Variants in ANKRD33B observed in about 807,000 individuals in gnomAD.
ANKRD33B encodes the protein ankyrin repeat domain 33B.
ANKRD33B carries 6 observed loss-of-function variants against 21.5 expected under a neutral mutation model. The ratio of observed to expected loss-of-function variants is 0.28; its 90% CI spans 0.15 to 0.55. The LOEUF is 0.55. Ranked by LOEUF, ANKRD33B falls within the 20% of genes least tolerant of loss-of-function variation. The probability of loss-of-function intolerance (pLI) is 0.94; values close to 1 mark genes in which losing one functional copy is unlikely to be tolerated. For missense variants in ANKRD33B, 698 were observed against 747.2 expected (o/e 0.93, Z 0.77); for synonymous variants, 347 against 342.4 (o/e 1.01, Z -0.15).
chr5:10,588,918 C>T (rs1735622662), intron 1 of ANKRD33B, among the ~76,000 whole-genome samples: 1 of 152,156 alleles, frequency 6.6e-6, no homozygotes, highest in African/African-American at 2.4e-5. Flanking sequence ...TTATTGTCAT[C>T]ACTTATGCAT....
chr5:10,644,960 G>T (rs1737160003), intron 3 of ANKRD33B, among the ~76,000 whole-genome samples: 1 of 152,172 alleles, frequency 6.6e-6, no homozygotes, highest in South Asian at 2.1e-4. Context: ...GGGCAGCTGG[G>T]ACTCAGACCC....
intron 3 of ANKRD33B, among the ~76,000 whole-genome samples, chr5:10,643,633 T>C (rs1335514633): frequency 6.6e-6 from 1 of 151,326 alleles, no homozygotes; most frequent in East Asian, 1.9e-4. Flanking sequence ...CTGGCCAACA[T>C]GGTGAAATCC....
Position 10,625,290 on chromosome 5 carries a change from A to G in ANKRD33B, c.496+6828A>G, listed in dbSNP as rs541647879. On this transcript the variant is annotated intron_variant, in intron 2 of 3. Coordinates refer to ENST00000296657, the MANE Select transcript of ANKRD33B (RefSeq NM_001164440.2). ...GCTTACAGCCAAAAATGACTACAAA[A>G]GTATTATCAGGGAGGAAGAAAAAGA... 393 of 158,200 alleles carry G rather than the reference A, an allele frequency of 2.5e-3. 1 individual carries two copies. Among genetic ancestry groups the G allele is most frequent in the Middle Eastern group, 6.7e-3 (2 of 298 alleles). The allele number at this position is 158,200 out of a possible 1,614,324, so 9.8% of individuals were successfully genotyped here.
At chr5:10,577,475 C>A (rs986273781) in intron 1 of ANKRD33B, among the ~76,000 whole-genome samples, 1 of 152,192 alleles carries the variant, frequency 6.6e-6, no homozygotes, top group African/African-American at 2.4e-5. Context: ...GGAGTCGGGG[C>A]CCATCCTGGG....
At chr5:10,644,305 G>A (rs987666833) in intron 3 of ANKRD33B, among the ~76,000 whole-genome samples, 5 of 152,326 alleles carry the variant, frequency 3.3e-5, no homozygotes, top group Admixed American at 6.5e-5. Flanking sequence ...CATCACAAGG[G>A]AGTTGCAGAA....
intron 1 of ANKRD33B, among the ~76,000 whole-genome samples, chr5:10,600,527 C>G (rs1168426255): frequency 1.3e-5 from 2 of 152,176 alleles, no homozygotes; most frequent in Non-Finnish European, 2.9e-5. Flanking sequence ...GTAGTATTCC[C>G]AAGTTTGATT....
chr5:10,623,637 A>G (rs1736473648), intron 2 of ANKRD33B, among the ~76,000 whole-genome samples: 1 of 152,224 alleles, frequency 6.6e-6, no homozygotes, highest in African/African-American at 2.4e-5. Context: ...GGGAAGCTGG[A>G]TAGGAGGGAA....
chr5:10,588,690 G>A (rs535509789), intron 1 of ANKRD33B, among the ~76,000 whole-genome samples: 3 of 152,194 alleles, frequency 2.0e-5, no homozygotes, highest in African/African-American at 4.8e-5. Context: ...CCCCTCTTCC[G>A]GGCAACCCAC....
chr5:10,571,861 G>A lies in ANKRD33B; in HGVS notation c.366+7028G>A, dbSNP rs116371274. Reference sequence around the variant, plus strand: ...TCTCAGAATTAAGTGAGAATCTGAGGGTAAGATAAGGCATCCGTATTTTCT... The same window carrying A: ...TCTCAGAATTAAGTGAGAATCTGAGAGTAAGATAAGGCATCCGTATTTTCT... On this transcript the variant is annotated intron_variant, in intron 1 of 3. Transcript: ENST00000296657. Among the ~76,000 whole-genome samples, 576 of 151,246 alleles carry A rather than the reference G, an allele frequency of 3.8e-3. 4 individuals are homozygous for A. The highest frequency in any genetic ancestry group is 0.013 in the African/African-American group (537 of 41,270).
intron 2 of ANKRD33B, among the ~76,000 whole-genome samples, chr5:10,635,462 C>G (rs1047118199): frequency 2.6e-5 from 4 of 152,160 alleles, no homozygotes; most frequent in Non-Finnish European, 4.4e-5. Context: ...GTAAATGAGT[C>G]AAAAAAGCAC....
At position 10,657,797 on chromosome 5, in the gene ANKRD33B, A is replaced by T. The variant is rs1007330060; in HGVS notation, c.*7684A>T. On this transcript the variant is annotated 3_prime_UTR_variant, in exon 4 of 4. Transcript: ENST00000296657. ...GGGAGAATTGTGGCTAAAGAATAAA[A>T]AATCACTTGTTAAAACGCATTCTTA... 1 of 152,406 alleles carries T rather than the reference A, an allele frequency of 6.6e-6. No homozygotes were observed. The highest frequency in any genetic ancestry group is 1.5e-5 in the Non-Finnish European group (1 of 68,038). The allele number at this position is 152,406 out of a possible 1,614,324, so 9.4% of individuals were successfully genotyped here.
intron 2 of ANKRD33B, among the ~76,000 whole-genome samples, chr5:10,637,466 C>T (rs920806553): frequency 2.3e-4 from 6 of 26,586 alleles, no homozygotes; most frequent in South Asian, 1.8e-3. Flanking sequence ...ACACACACGG[C>T]GGCGGGGGGA....
At chr5:10,593,084 C>T (rs1027497642) in intron 1 of ANKRD33B, among the ~76,000 whole-genome samples, 2 of 152,190 alleles carry the variant, frequency 1.3e-5, no homozygotes, top group South Asian at 4.1e-4. Flanking sequence ...TAGCTTTCCA[C>T]TTACGAGACT....
chr5:10,638,937 CG>C (rs1159834170), intron 3 of ANKRD33B, among the ~76,000 whole-genome samples: 7,826 of 132,102 alleles, frequency 0.059, 1,869 homozygotes, highest in Non-Finnish European at 0.088. Context: ...AGTTGCGCGG[CG>C]ATATTAGCGG....
At chr5:10,605,388 A>G (rs1004173221) in intron 1 of ANKRD33B, among the ~76,000 whole-genome samples, 16 of 152,372 alleles carry the variant, frequency 1.1e-4, no homozygotes, top group East Asian at 7.7e-4. Context: ...TGTGAATATT[A>G]GAAGTACAGG....
intron 2 of ANKRD33B, among the ~76,000 whole-genome samples, chr5:10,623,591 A>G (rs1736472159): frequency 6.6e-6 from 1 of 152,232 alleles, no homozygotes; most frequent in African/African-American, 2.4e-5. Context: ...TCGCACAGGA[A>G]TTTCGGAGGA....
Position 10,618,322 on chromosome 5 carries a change from T to C in ANKRD33B, c.367-11T>C. Reference sequence around the variant, plus strand: ...CTGCCCCTCTGACCCGCTTCCCCTCTTCATTTCTAGACCGGCCTTATTGTC... The same window carrying C: ...CTGCCCCTCTGACCCGCTTCCCCTCCTCATTTCTAGACCGGCCTTATTGTC... On this transcript the variant is annotated splice_polypyrimidine_tract_variant and intron_variant, in intron 1 of 3. Transcript: ENST00000296657. 6.5e-7 allele frequency: 1 copy of C among 1,536,676 alleles called. No homozygotes were observed. Among genetic ancestry groups the C allele is most frequent in the Non-Finnish European group, 8.7e-7 (1 of 1,146,950 alleles).
At chr5:10,584,343 C>T (rs1735507343) in intron 1 of ANKRD33B, among the ~76,000 whole-genome samples, 1 of 152,072 alleles carries the variant, frequency 6.6e-6, no homozygotes, top group Admixed American at 6.6e-5. Flanking sequence ...CTTGGGAGTT[C>T]AAGACCAGTC....
chr5:10,590,737 G>C (rs557315984), intron 1 of ANKRD33B, among the ~76,000 whole-genome samples: 1 of 151,994 alleles, frequency 6.6e-6, no homozygotes, highest in East Asian at 1.9e-4. Context: ...GCAAACCCTC[G>C]AGAGTATGAC....
Sources: allele counts gnomAD v4.1 joint callset (sites outside exome capture counted in the v4.1 genomes callset), GRCh38; gene constraint gnomAD v4.1.1; transcripts MANE v1.5; gene names NCBI Gene and HGNC (gene_info 2026-07-23, HGNC 2026-07-21).